The following KLF10 variants were observed in gnomAD, a reference collection of about 807,000 sequenced individuals.
The protein encoded by KLF10 is KLF transcription factor 10.
A neutral mutation model predicts 31.6 loss-of-function variants in KLF10; 17 were observed. The ratio of observed to expected loss-of-function variants is 0.54; its 90% CI spans 0.37 to 0.81. KLF10 has a LOEUF of 0.81. Among genes scored for constraint, KLF10 ranks in the 30% least tolerant of loss-of-function variants. The pLI is 0.00. For missense variants in KLF10, 525 were observed against 598.1 expected (o/e 0.88, Z 1.27); for synonymous variants, 239 against 215.1 (o/e 1.11, Z -0.97).
At chr8:102,653,462 C>T (rs371812460) in intron 1 of KLF10, 37 of 1,546,744 alleles carry the variant, frequency 2.4e-5, no homozygotes, top group Non-Finnish European at 3.1e-5. Context: ...AAAAATGGTA[C>T]TACTCACCAT....
intron 1 of KLF10, among the ~76,000 whole-genome samples, chr8:102,652,684 G>A (rs745983297): frequency 1.3e-5 from 2 of 152,106 alleles, no homozygotes; most frequent in Non-Finnish European, 2.9e-5. Flanking sequence ...TCATGGGAGA[G>A]AGGCACACCT....
At chr8:102,653,640 T>G in intron 1 of KLF10, 2 of 1,326,720 alleles carry the variant, frequency 1.5e-6, no homozygotes, top group Non-Finnish European at 1.9e-6. Flanking sequence ...AACGAGCCAT[T>G]GCTCTTGAAA....
rs761292022 is a variant in KLF10, at chr8:102,655,620, CGGCGGCAAGCTGACTGGCTGCT to C, written c.-41_-20del. The C allele has an allele frequency of 6.2e-7, 1 of 1,613,706 alleles. No individual in the cohort carries two copies. Among genetic ancestry groups the C allele is most frequent in the Non-Finnish European group, 8.5e-7 (1 of 1,179,838 alleles). On this transcript the variant is annotated 5_prime_UTR_variant, in exon 1 of 4. Coordinates refer to ENST00000285407, the MANE Select transcript of KLF10 (RefSeq NM_005655.4). ...TGAGCATGGTTGGCTGCTTGGCCGC[CGGCGGCAAGCTGACTGGCTGCT>C]AGGCTGCTGGCTGCTTGGCCACAGA...
At chr8:102,655,526 A>T in intron 1 of KLF10, 40 bp downstream of exon 1, 1 of 1,613,542 alleles carries the variant, frequency 6.2e-7, no homozygotes, top group Non-Finnish European at 8.5e-7. Context: ...CCCAGACAAG[A>T]CCAGGCGAGG....
rs377319557 is a variant in KLF10 at position 102,651,712 on chromosome 8, G to A, written c.620C>T (p.Pro207Leu). The A allele has an allele frequency of 6.2e-7, 1 of 1,614,222 alleles. No individual in the cohort carries two copies. Among genetic ancestry groups the A allele is most frequent in the Non-Finnish European group, 8.5e-7 (1 of 1,180,044 alleles). Residue 207 changes from proline (P) to leucine (L), a missense_variant, in exon 3 of 4, where the codon CCA becomes CTA. By Grantham distance (98) the Pro-to-Leu change is moderately conservative. This residue lies in a region of KLF10 where 434 missense variants were observed against 450.7 expected (regional missense o/e 0.96). Transcript: ENST00000285407. ...RKNIPCAAVS[P>L]NRSKCERNTV... is the part of the protein sequence containing the mutation. ...GTTTCTCTCACATTTGGATCTGTTT[G>A]GTGACACAGCGGCACATGGTATGTT...
chr8:102,651,337 G>T lies in KLF10; in HGVS notation c.995C>A (p.Pro332Gln). 6.3e-7 allele frequency: 1 copy of T among 1,596,726 alleles called. No homozygotes were observed. The highest frequency in any genetic ancestry group is 8.5e-7 in the Non-Finnish European group (1 of 1,171,502). Residue 332 changes from proline (P) to glutamine (Q), a missense_variant, in exon 3 of 4, where the codon CCG becomes CAG. By Grantham distance (76) the Pro-to-Gln change is moderately conservative (BLOSUM62 -1). This residue lies in a region of KLF10 where 434 missense variants were observed against 450.7 expected (regional missense o/e 0.96). Transcript: ENST00000285407. ...TCTGGTGCCATTCGGGCTCACCACC[G>T]GAGGCTTTGAACTCTGCACAACGGG... ...PQPVVQSSKP[P>Q]VVSPNGTRLS...
At chr8:102,651,000 A>T in intron 3 of KLF10, 149 bp downstream of exon 3, 1 of 657,868 alleles carries the variant, frequency 1.5e-6, no homozygotes, top group East Asian at 2.9e-5. Flanking sequence ...GCGGCCTCCA[A>T]TACAGCCTTT....
chr8:102,653,650 A>G, intron 1 of KLF10: 3 of 1,322,994 alleles, frequency 2.3e-6, no homozygotes, highest in Non-Finnish European at 2.9e-6. Flanking sequence ...TGCTCTTGAA[A>G]TATCGCTAAC....
rs979050781 is a variant in KLF10 at position 102,649,039 on chromosome 8, A to G, written c.*1093T>C. On this transcript the variant is annotated 3_prime_UTR_variant, in exon 4 of 4. Transcript: ENST00000285407. ...ATATCATCCACTATATAACAGAATAAAAGAGAAATACTGTTAACAAAAGTG... is the reference window on the plus strand; with the variant it reads ...ATATCATCCACTATATAACAGAATAGAAGAGAAATACTGTTAACAAAAGTG... 3.3e-5 allele frequency: 5 copies of G among 152,630 alleles called. No homozygotes were observed. The highest frequency in any genetic ancestry group is 5.9e-5 in the Non-Finnish European group (4 of 68,014). The allele number at this position is 152,630 out of a possible 1,614,324, so 9.5% of individuals were successfully genotyped here. A position where few individuals can be genotyped will look rare whatever the true frequency, so the allele number is the denominator to read the frequency against.
intron 1 of KLF10, chr8:102,654,121 C>G (rs1404666631): frequency 2.8e-5 from 6 of 216,760 alleles, no homozygotes; most frequent in Admixed American, 2.0e-4. Flanking sequence ...GGCATGTGAA[C>G]AAAGCGTGAT....
intron 1 of KLF10, among the ~76,000 whole-genome samples, chr8:102,653,238 G>C (rs1486492485): frequency 1.3e-5 from 2 of 152,112 alleles, no homozygotes; most frequent in Non-Finnish European, 2.9e-5. Flanking sequence ...CTACAACATA[G>C]CTAATGCAAT....
intron 1 of KLF10, among the ~76,000 whole-genome samples, chr8:102,655,176 C>T (rs1473857746): frequency 6.6e-6 from 1 of 152,078 alleles, no homozygotes; most frequent in Non-Finnish European, 1.5e-5. Context: ...GGGTAGCCCC[C>T]TTGTCCCTCC....
At position 102,651,538 on chromosome 8, in the gene KLF10, C is replaced by T; in HGVS notation, c.794G>A (p.Gly265Glu). 6.2e-7 allele frequency: 1 copy of T among 1,613,866 alleles called. No homozygotes were observed. The highest frequency in any genetic ancestry group is 8.5e-7 in the Non-Finnish European group (1 of 1,179,832). Reference sequence around the variant, plus strand: ...GATGACCGGCATAGGTGGCACTCCCCCTGCAGATACTGCAGGTGGAGAGAC... The same window carrying T: ...GATGACCGGCATAGGTGGCACTCCCTCTGCAGATACTGCAGGTGGAGAGAC... ...VLVSPPAVSA[G>E]GVPPMPVICQ... The change falls in exon 3 of 4, where the codon GGG becomes GAG. Residue 265 changes from glycine to glutamate, a missense_variant. Transcript: ENST00000285407.
At position 102,650,039 on chromosome 8, in the gene KLF10, G is replaced by A; in HGVS notation, c.*93C>T. The A allele has an allele frequency of 1.4e-6, 2 of 1,480,722 alleles. No individual in the cohort carries two copies. Among genetic ancestry groups the A allele is most frequent in the Non-Finnish European group, 1.8e-6 (2 of 1,097,538 alleles). 91.7% of individuals were successfully genotyped at this position (1,480,722 alleles called of 1,614,324 possible). A position where few individuals can be genotyped will look rare whatever the true frequency, so the allele number is the denominator to read the frequency against. On this transcript the variant is annotated 3_prime_UTR_variant, in exon 4 of 4. Coordinates refer to ENST00000285407, the MANE Select transcript of KLF10 (RefSeq NM_005655.4). ...GGGGCTTCTGCTTTAAGCCCACGTT[G>A]TGGGGCCACAGACTTGCAGTGGAAG...
At position 102,650,029 on chromosome 8, in the gene KLF10, A is replaced by G; in HGVS notation, c.*103T>C. On this transcript the variant is annotated 3_prime_UTR_variant, in exon 4 of 4. Transcript: ENST00000285407. The stretch of plus-strand genomic sequence containing the variant: ...GCCAGGCTGTGGGGCTTCTGCTTTA[A>G]GCCCACGTTGTGGGGCCACAGACTT... 1 of 1,441,946 alleles carries G rather than the reference A, an allele frequency of 6.9e-7. No homozygotes were observed. The highest frequency in any genetic ancestry group is 9.3e-7 in the Non-Finnish European group (1 of 1,070,214). The allele number at this position is 1,441,946 out of a possible 1,614,324, so 89.3% of individuals were successfully genotyped here.
At chr8:102,652,559 G>A (rs1168594078) in intron 1 of KLF10, among the ~76,000 whole-genome samples, 162 bp from the exon 2 acceptor site, 1 of 149,852 alleles carries the variant, frequency 6.7e-6, no homozygotes, top group Non-Finnish European at 1.5e-5. Flanking sequence ...TGATACTAAG[G>A]AAGTTCAGCT....
chr8:102,651,659 T>C lies in KLF10; in HGVS notation c.673A>G (p.Ser225Gly). The C allele has an allele frequency of 1.2e-6, 2 of 1,614,254 alleles. No homozygotes were observed. Among genetic ancestry groups the C allele is most frequent in the South Asian group, 1.1e-5 (1 of 91,092 alleles). The stretch of plus-strand genomic sequence containing the variant: ...ACAGAAAAGTCATAAAGTGCAGCAC[T>C]TGCTTTCTCATCAACATCTGCCACT... Reference protein sequence around the residue: ...NTVADVDEKASAALYDFSVPS... With the variant: ...NTVADVDEKAGAALYDFSVPS... Residue 225 changes from serine to glycine, a missense_variant, in exon 3 of 4, where the codon AGT (serine) becomes GGT (glycine). Transcript: ENST00000285407.
At chr8:102,655,044 G>GA (rs1249102009) in intron 1 of KLF10, among the ~76,000 whole-genome samples, 1 of 151,970 alleles carries the variant, frequency 6.6e-6, no homozygotes, top group Non-Finnish European at 1.5e-5. Context: ...AGACCCCCAG[G>GA]ATGGGTAGCC....
At chr8:102,653,092 CTTGA>C (rs2131082031) in intron 1 of KLF10, among the ~76,000 whole-genome samples, 1 of 152,194 alleles carries the variant, frequency 6.6e-6, no homozygotes, top group Non-Finnish European at 1.5e-5. Flanking sequence ...AATTTGATCA[CTTGA>C]TTATGGTAAA....
Sources: allele counts gnomAD v4.1 joint callset (sites outside exome capture counted in the v4.1 genomes callset), GRCh38; gene constraint gnomAD v4.1.1; regional missense constraint gnomAD v4.1.1; transcripts MANE v1.5; gene names NCBI Gene and HGNC (gene_info 2026-07-23, HGNC 2026-07-21).